The following DGKB variants were observed in gnomAD, a reference collection of about 807,000 sequenced individuals.
The protein encoded by DGKB is diacylglycerol kinase beta.
In DGKB, 67 loss-of-function variants were observed where a neutral mutation model predicts 114.3. The ratio of observed to expected loss-of-function variants is 0.59; its 90% CI spans 0.48 to 0.72. The LOEUF is 0.72. DGKB is among the 30% of genes least tolerant of loss of function. DGKB has a pLI of 0.00. For synonymous variants in DGKB, 398 were observed against 323.1 expected (o/e 1.23, Z -2.49); for missense variants, 907 against 975.2 (o/e 0.93, Z 0.93).
chr7:14,734,162 G>A (rs895535976), intron 5 of DGKB, among the ~76,000 whole-genome samples: 2 of 151,690 alleles, frequency 1.3e-5, no homozygotes, highest in East Asian at 3.9e-4. Flanking sequence ...AGCCTCCCAA[G>A]TAGCTGGGAT....
At chr7:14,665,828 C>T (rs965540094) in intron 13 of DGKB, among the ~76,000 whole-genome samples, 6 of 151,964 alleles carry the variant, frequency 3.9e-5, no homozygotes, top group Non-Finnish European at 7.4e-5. Flanking sequence ...GAATGTAAAA[C>T]TAAAATATAA....
At chr7:14,605,586 A>G (rs1206160618) in intron 17 of DGKB, among the ~76,000 whole-genome samples, 1 of 151,826 alleles carries the variant, frequency 6.6e-6, no homozygotes, top group Non-Finnish European at 1.5e-5. Context: ...AGTTACATAC[A>G]TTACTTTCAT....
chr7:14,434,148 G>A (rs1238095904), intron 21 of DGKB, among the ~76,000 whole-genome samples: 1 of 152,132 alleles, frequency 6.6e-6, no homozygotes, highest in Non-Finnish European at 1.5e-5. Flanking sequence ...ACTTTAATGG[G>A]ATGAAGACAA....
At chr7:14,859,576 A>G (rs1850679744) in intron 1 of DGKB, among the ~76,000 whole-genome samples, 1 of 152,110 alleles carries the variant, frequency 6.6e-6, no homozygotes, top group African/African-American at 2.4e-5. Flanking sequence ...TAAAAGAAAA[A>G]GCTGAGAATG....
At chr7:14,298,358 A>G (rs2128483557) in intron 23 of DGKB, among the ~76,000 whole-genome samples, 1 of 152,312 alleles carries the variant, frequency 6.6e-6, no homozygotes, top group African/African-American at 2.4e-5. Context: ...CAAAACAGAT[A>G]TATAGACCAA....
intron 21 of DGKB, among the ~76,000 whole-genome samples, chr7:14,438,324 GT>G (rs1215385409): frequency 5.9e-5 from 9 of 152,118 alleles, no homozygotes; most frequent in African/African-American, 1.9e-4. Context: ...AAGCTAGTCA[GT>G]TTTTTAACAG....
chr7:14,618,370 G>A (rs575222852), intron 15 of DGKB, among the ~76,000 whole-genome samples: 121 of 151,412 alleles, frequency 8.0e-4, no homozygotes, highest in African/African-American at 2.6e-3. Flanking sequence ...TTTCTTTCTC[G>A]TGCTAAAAGT....
chr7:14,891,737 AAAG>A (rs1196514982), intron 1 of DGKB, among the ~76,000 whole-genome samples: 2 of 151,494 alleles, frequency 1.3e-5, no homozygotes, highest in South Asian at 2.1e-4. Context: ...TAAATGACAC[AAAG>A]AAGAAGTCAA....
At position 14,501,574 on chromosome 7, in the gene DGKB, A is replaced by T. The variant is rs1786187615; in HGVS notation, c.1771-23349T>A. On this transcript the variant is annotated intron_variant, in intron 20 of 25. Transcript: ENST00000402815. ...GTCTCTGGAAAAGAGGTAATGACTC[A>T]AACAGAAGAATCAAGAGCTCAGAGA... is the stretch of plus-strand genomic sequence containing the variant. Among the ~76,000 whole-genome samples the T allele has an allele frequency of 2.0e-5, 3 of 151,892 alleles. No homozygotes were observed. The South Asian group carries it at 6.2e-4, about 31-fold the overall frequency.
chr7:14,285,782 C>G (rs930303779), intron 23 of DGKB, among the ~76,000 whole-genome samples: 1 of 152,114 alleles, frequency 6.6e-6, no homozygotes, highest in African/African-American at 2.4e-5. Context: ...ACAAAGAACA[C>G]AGTTATGAGA....
intron 21 of DGKB, among the ~76,000 whole-genome samples, chr7:14,360,991 G>GA (rs571263781): frequency 6.6e-6 from 1 of 151,704 alleles, no homozygotes. Flanking sequence ...CAAAAATCGA[G>GA]AAAAAAATTA....
At chr7:14,161,826 A>G (rs750749272) in intron 25 of DGKB, among the ~76,000 whole-genome samples, 20 of 152,194 alleles carry the variant, frequency 1.3e-4, no homozygotes, top group Non-Finnish European at 2.4e-4. Flanking sequence ...TAAAAGAAAA[A>G]AAAAGTCTTT....
At chr7:14,415,076 A>G (rs1825498888) in intron 21 of DGKB, among the ~76,000 whole-genome samples, 1 of 151,920 alleles carries the variant, frequency 6.6e-6, no homozygotes, top group South Asian at 2.1e-4. Flanking sequence ...TTCTAAAAGT[A>G]AATACATTAT....
intron 23 of DGKB, among the ~76,000 whole-genome samples, chr7:14,315,155 C>A (rs1585086577): frequency 7.0e-6 from 1 of 142,890 alleles, no homozygotes; most frequent in South Asian, 2.5e-4. Context: ...AAAGGAACAA[C>A]CGGTACCAGC....
rs553088683 is a variant in DGKB at position 14,630,595 on chromosome 7, T to G, written c.1135-327A>C. On this transcript the variant is annotated intron_variant, in intron 13 of 25. Transcript: ENST00000402815. ...AATAAATAATTTCCACTAAGTTTTT[T>G]TAATTTGCCCCTTTACCCATCCCAA... 5.9e-5 allele frequency among the ~76,000 whole-genome samples: 9 copies of G among 152,146 alleles called. No individual in the cohort carries two copies. The East Asian group carries it at 1.7e-3, about 29-fold the overall frequency.
intron 5 of DGKB, among the ~76,000 whole-genome samples, chr7:14,726,013 G>C (rs1383733309): frequency 6.6e-6 from 1 of 152,024 alleles, no homozygotes; most frequent in African/African-American, 2.4e-5. Flanking sequence ...TCTCACAATA[G>C]TTAATAAAAT....
intron 4 of DGKB, among the ~76,000 whole-genome samples, chr7:14,744,033 T>C (rs1832921619): frequency 6.6e-6 from 1 of 150,474 alleles, no homozygotes; most frequent in Admixed American, 6.6e-5. Context: ...AATAGAAAAC[T>C]GAAGTAATCT....
At chr7:14,169,442 C>A (rs192820377) in intron 25 of DGKB, among the ~76,000 whole-genome samples, 1 of 151,524 alleles carries the variant, frequency 6.6e-6, no homozygotes, top group Non-Finnish European at 1.5e-5. Flanking sequence ...TTGGAGGTAG[C>A]CTGCCTGGAG....
chr7:14,769,851 T>C (rs1837155280), intron 2 of DGKB, among the ~76,000 whole-genome samples: 1 of 152,120 alleles, frequency 6.6e-6, no homozygotes, highest in Non-Finnish European at 1.5e-5. Flanking sequence ...TCTCCCTTTC[T>C]GTCTTTCACA....
Sources: allele counts gnomAD v4.1 joint callset (sites outside exome capture counted in the v4.1 genomes callset), GRCh38; gene constraint gnomAD v4.1.1; transcripts MANE v1.5; gene names NCBI Gene and HGNC (gene_info 2026-07-23, HGNC 2026-07-21).